TAF4B: variants seen among roughly 807,000 people sequenced by gnomAD.
TAF4B encodes the protein transcription initiation factor TFIID subunit 4B.
In TAF4B, 38 loss-of-function variants were observed where a neutral mutation model predicts 86.4. The ratio of observed to expected loss-of-function variants is 0.44; its 90% CI spans 0.34 to 0.58. The LOEUF (loss-of-function observed/expected upper bound fraction) is 0.58. TAF4B is among the 20% of genes least tolerant of loss of function. TAF4B has a pLI of 0.02. For missense variants in TAF4B, 988 were observed against 1,027.6 expected, an observed-to-expected ratio of 0.96 and a Z score of 0.53; for synonymous variants, 388 against 391.2, an observed-to-expected ratio of 0.99 and a Z score of 0.10.
chr18:26,310,547 G>T (rs2056843545), intron 9 of TAF4B, among the ~76,000 whole-genome samples: 1 of 152,142 alleles, frequency 6.6e-6, no homozygotes, highest in Non-Finnish European at 1.5e-5. Context: ...CTGCTTGAGA[G>T]AGGTGAAAAA....
At chr18:26,366,863 A>T (rs1471466756) in intron 14 of TAF4B, among the ~76,000 whole-genome samples, 1 of 152,202 alleles carries the variant, frequency 6.6e-6, no homozygotes, top group Non-Finnish European at 1.5e-5. Flanking sequence ...ATATGTAATA[A>T]TCACAGTTTA....
chr18:26,351,174 AC>A (rs2057242623), intron 13 of TAF4B, among the ~76,000 whole-genome samples: 2 of 152,216 alleles, frequency 1.3e-5, no homozygotes, highest in Non-Finnish European at 2.9e-5. Context: ...ACAGTGGAAT[AC>A]TATACAGCCA....
chr18:26,380,978 C>T (rs905631946), intron 14 of TAF4B, among the ~76,000 whole-genome samples: 7 of 152,034 alleles, frequency 4.6e-5, no homozygotes, highest in South Asian at 2.1e-4. Context: ...TTCTATGCTA[C>T]GTTGTCTGTT....
At chr18:26,347,324 C>CT (rs2057207683) in intron 13 of TAF4B, among the ~76,000 whole-genome samples, 1 of 151,888 alleles carries the variant, frequency 6.6e-6, no homozygotes, top group Non-Finnish European at 1.5e-5. Context: ...TAGACAAGGC[C>CT]TACAAGAGAT....
intron 13 of TAF4B, among the ~76,000 whole-genome samples, chr18:26,339,100 C>T (rs963862046): frequency 1.2e-4 from 18 of 152,132 alleles, no homozygotes; most frequent in Non-Finnish European, 2.4e-4. Flanking sequence ...GTAATTCAAA[C>T]GTTTTATTTT....
intron 5 of TAF4B, among the ~76,000 whole-genome samples, chr18:26,278,571 A>G (rs1325197008): frequency 1.3e-5 from 2 of 150,672 alleles, no homozygotes; most frequent in Non-Finnish European, 2.9e-5. Flanking sequence ...GGCCCGCCAA[A>G]GTACTGGGAT....
chr18:26,294,257 C>G (rs2056633629), intron 9 of TAF4B, among the ~76,000 whole-genome samples: 1 of 151,978 alleles, frequency 6.6e-6, no homozygotes, highest in Admixed American at 6.6e-5. Context: ...CGTTCTAGTT[C>G]CTGTCCAACT....
At chr18:26,332,097 C>T (rs2057054671) in intron 12 of TAF4B, among the ~76,000 whole-genome samples, 1 of 152,132 alleles carries the variant, frequency 6.6e-6, no homozygotes, top group South Asian at 2.1e-4. Context: ...GAGTTCCCTT[C>T]CCCTAAGTCT....
At chr18:26,242,409 T>G (rs775384370) in intron 1 of TAF4B, among the ~76,000 whole-genome samples, 1 of 152,108 alleles carries the variant, frequency 6.6e-6, no homozygotes, top group Non-Finnish European at 1.5e-5. Context: ...ATTGCAACCC[T>G]TGCCTTTTTT....
chr18:26,333,304 TC>T (rs2144695077), intron 12 of TAF4B, among the ~76,000 whole-genome samples: 1 of 150,792 alleles, frequency 6.6e-6, no homozygotes, highest in African/African-American at 2.4e-5. Context: ...CACTGCAACC[TC>T]TGCCTCCCAG....
intron 1 of TAF4B, among the ~76,000 whole-genome samples, chr18:26,264,951 T>G (rs1378771290): frequency 1.3e-5 from 2 of 152,248 alleles, no homozygotes; most frequent in African/African-American, 4.8e-5. Flanking sequence ...GTGTTTTGCT[T>G]TCTTCAGGAG....
intron 13 of TAF4B, among the ~76,000 whole-genome samples, chr18:26,336,330 T>C (rs1447354261): frequency 2.0e-5 from 3 of 152,226 alleles, no homozygotes; most frequent in African/African-American, 2.4e-5. Flanking sequence ...TGCAGTTGGC[T>C]CCTAGGTGCC....
intron 7 of TAF4B, among the ~76,000 whole-genome samples, chr18:26,291,271 G>GT (rs1708874956): frequency 1.3e-5 from 2 of 151,672 alleles, no homozygotes; most frequent in Admixed American, 1.3e-4. Context: ...GTTTTGTCTT[G>GT]TTTTTTTGAG....
intron 1 of TAF4B, among the ~76,000 whole-genome samples, chr18:26,262,534 A>T (rs948491992): frequency 1.3e-5 from 2 of 150,080 alleles, no homozygotes; most frequent in African/African-American, 4.9e-5. Flanking sequence ...GAGTGCAGTG[A>T]CGCGATCTCG....
intron 1 of TAF4B, among the ~76,000 whole-genome samples, chr18:26,248,020 T>C (rs1245640876): frequency 8.2e-6 from 1 of 121,892 alleles, no homozygotes; most frequent in Non-Finnish European, 1.7e-5. Flanking sequence ...GGACTACAGG[T>C]GTGCCTCACT....
At chr18:26,315,434 A>T (rs893520236) in intron 10 of TAF4B, 36 bp downstream of exon 10, 19 of 1,491,156 alleles carry the variant, frequency 1.3e-5, no homozygotes, top group African/African-American at 2.8e-5. Context: ...CCTGATAGAG[A>T]TGTCTGTTTG....
intron 13 of TAF4B, among the ~76,000 whole-genome samples, chr18:26,343,521 A>G (rs2057152546): frequency 6.6e-6 from 1 of 152,250 alleles, no homozygotes; most frequent in Non-Finnish European, 1.5e-5. Context: ...GCCACAGATC[A>G]CAGAAGTCAC....
At chr18:26,387,186 C>A (rs1978422208) in intron 14 of TAF4B, among the ~76,000 whole-genome samples, 1 of 152,180 alleles carries the variant, frequency 6.6e-6, no homozygotes, top group South Asian at 2.1e-4. Context: ...CCACCTCAGT[C>A]TCCCGAGTAA....
chr18:26,252,159 GT>G (rs879472859), intron 1 of TAF4B, among the ~76,000 whole-genome samples: 1 of 152,050 alleles, frequency 6.6e-6, no homozygotes, highest in Admixed American at 6.6e-5. Flanking sequence ...TTTTCAACGT[GT>G]TTTTTACATG....
Sources: gnomAD v4.1 joint callset for allele counts (sites outside exome capture counted in the v4.1 genomes callset) on GRCh38, gnomAD v4.1.1 for gene constraint, MANE v1.5 for transcripts, NCBI Gene and HGNC (gene_info 2026-07-23, HGNC 2026-07-21) for gene names.